The following PCDHGA1 variants were observed in gnomAD, a reference collection of about 807,000 sequenced individuals.
PCDHGA1 encodes the protein protocadherin gamma-A1.
A neutral mutation model predicts 58.0 loss-of-function variants in PCDHGA1; 32 were observed. The ratio of observed to expected loss-of-function variants is 0.55; its 90% CI spans 0.42 to 0.74. The LOEUF (loss-of-function observed/expected upper bound fraction) is 0.74. Ranked by LOEUF, PCDHGA1 falls within the 30% of genes least tolerant of loss-of-function variation. The probability of loss-of-function intolerance (pLI) is 0.00; values close to 1 mark genes in which losing one functional copy is unlikely to be tolerated. For synonymous variants in PCDHGA1, 498 were observed against 501.1 expected, an observed-to-expected ratio of 0.99 and a Z score of 0.08; for missense variants, 1,205 against 1,182.3, an observed-to-expected ratio of 1.02 and a Z score of -0.28.
intron 1 of PCDHGA1, chr5:141,350,910 C>T (rs759995473): frequency 1.9e-6 from 3 of 1,613,954 alleles, no homozygotes; most frequent in Admixed American, 1.7e-5. Flanking sequence ...GGCGGGGACC[C>T]GCCTCTAAGC....
chr5:141,376,129 C>G, intron 1 of PCDHGA1: 2 of 1,613,928 alleles, frequency 1.2e-6, no homozygotes, highest in Non-Finnish European at 1.7e-6. Context: ...AGCCCTCCGC[C>G]AAACCCAACG....
chr5:141,351,105 C>A (rs1212938457), intron 1 of PCDHGA1: 2 of 1,614,062 alleles, frequency 1.2e-6, no homozygotes, highest in East Asian at 4.5e-5. Context: ...CTCAATTCCC[C>A]AATAAGTACC....
At chr5:141,394,991 G>C (rs1282662717) in intron 1 of PCDHGA1, 1 of 1,614,012 alleles carries the variant, frequency 6.2e-7, no homozygotes, top group East Asian at 2.2e-5. Flanking sequence ...GCCTGCTCCA[G>C]GATTCCGGTG....
intron 1 of PCDHGA1, chr5:141,339,429 C>A: frequency 6.2e-7 from 1 of 1,614,214 alleles, no homozygotes; most frequent in Non-Finnish European, 8.5e-7. Flanking sequence ...TTCCGGATTC[C>A]TCTTAAGAAT....
At chr5:141,340,679 G>C in intron 1 of PCDHGA1, 2 of 1,614,224 alleles carry the variant, frequency 1.2e-6, no homozygotes, top group Non-Finnish European at 1.7e-6. Context: ...CTTCCCCACA[G>C]ACGGTTCCAC....
intron 1 of PCDHGA1, 72 bp downstream of exon 1, chr5:141,333,177 T>C (rs777018997): frequency 1.2e-6 from 2 of 1,601,986 alleles, no homozygotes; most frequent in South Asian, 2.2e-5. Context: ...TAGCGTTCGC[T>C]CTTTGCTACA....
chr5:141,393,381 A>G, intron 1 of PCDHGA1: 3 of 1,614,022 alleles, frequency 1.9e-6, no homozygotes, highest in South Asian at 1.1e-5. Flanking sequence ...CAATGGAGCC[A>G]TAAACCCAGA....
At chr5:141,452,858 T>C (rs904455495) in intron 1 of PCDHGA1, among the ~76,000 whole-genome samples, 1 of 152,202 alleles carries the variant, frequency 6.6e-6, no homozygotes. Flanking sequence ...GGGGAGATGA[T>C]TTTCTAACTC....
At chr5:141,391,576 T>A (rs1172672552) in intron 1 of PCDHGA1, 1 of 152,236 alleles carries the variant, frequency 6.6e-6, no homozygotes, top group Non-Finnish European at 1.5e-5. Flanking sequence ...AGAAAATATA[T>A]TCACAGGAAA....
chr5:141,375,139 A>C, intron 1 of PCDHGA1: 1 of 1,613,936 alleles, frequency 6.2e-7, no homozygotes, highest in Non-Finnish European at 8.5e-7. Context: ...TTACATCTGG[A>C]AGCAGAACAA....
At chr5:141,407,429 C>T (rs2094929018) in intron 1 of PCDHGA1, among the ~76,000 whole-genome samples, 1 of 151,532 alleles carries the variant, frequency 6.6e-6, no homozygotes, top group Admixed American at 6.6e-5. Flanking sequence ...ATGTCTCTTG[C>T]CCTTAAAACC....
intron 1 of PCDHGA1, chr5:141,409,931 A>G: frequency 1.2e-6 from 2 of 1,613,260 alleles, no homozygotes; most frequent in Non-Finnish European, 1.7e-6. Flanking sequence ...GTTCTTCGAT[A>G]TGGTACCTCG....
intron 1 of PCDHGA1, among the ~76,000 whole-genome samples, chr5:141,380,592 C>A (rs1776595781): frequency 6.6e-6 from 1 of 152,050 alleles, no homozygotes; most frequent in South Asian, 2.1e-4. Flanking sequence ...TAGTAAAGAT[C>A]TTTAATATTT....
intron 1 of PCDHGA1, chr5:141,374,039 G>T (rs187674758): frequency 5.9e-5 from 86 of 1,456,944 alleles, no homozygotes; most frequent in Middle Eastern, 2.5e-4. Context: ...ATGCAGATCT[G>T]TTCTTCCTCT....
intron 1 of PCDHGA1, among the ~76,000 whole-genome samples, chr5:141,482,104 A>T (rs11748215): frequency 0.23 from 34,477 of 150,324 alleles, 4,798 homozygotes; most frequent in African/African-American, 0.39. Context: ...AAAAAAAAAA[A>T]ATATCTAGAG....
chr5:141,372,268 A>T (rs374647960), intron 1 of PCDHGA1: 26 of 1,613,010 alleles, frequency 1.6e-5, no homozygotes, highest in Non-Finnish European at 1.9e-5. Flanking sequence ...CGCACGGGTG[A>T]GGTGCGCACG....
intron 2 of PCDHGA1, among the ~76,000 whole-genome samples, chr5:141,496,769 C>T (rs1434587849): frequency 2.0e-5 from 3 of 152,064 alleles, no homozygotes; most frequent in African/African-American, 7.3e-5. Flanking sequence ...CGAGCATCTA[C>T]TATGAGCAGG....
At position 141,371,244 on chromosome 5, in the gene PCDHGA1, A is replaced by T. The variant is rs1767599935; in HGVS notation, c.2421+38139A>T. ...CGAAATCATCTATGCCTTCATCAATATTGGCAAGGAAGTGAGACAACTGTT... is the reference window on the plus strand; with the variant it reads ...CGAAATCATCTATGCCTTCATCAATTTTGGCAAGGAAGTGAGACAACTGTT... On this transcript the variant is annotated intron_variant, in intron 1 of 3. Transcript: ENST00000517417. 1.9e-6 allele frequency: 3 copies of T among 1,614,038 alleles called. No individual in the cohort carries two copies. Among genetic ancestry groups the T allele is most frequent in the Non-Finnish European group, 2.5e-6 (3 of 1,179,908 alleles).
At chr5:141,409,388 T>C in intron 1 of PCDHGA1, 1 of 1,614,018 alleles carries the variant, frequency 6.2e-7, no homozygotes, top group Non-Finnish European at 8.5e-7. Flanking sequence ...CAAGATTTAT[T>C]CTTCTTCCAA....
Sources: gnomAD v4.1 joint callset for allele counts (sites outside exome capture counted in the v4.1 genomes callset) on GRCh38, gnomAD v4.1.1 for gene constraint, MANE v1.5 for transcripts, NCBI Gene and HGNC (gene_info 2026-07-23, HGNC 2026-07-21) for gene names.